The following STRN variants were observed in gnomAD, a reference collection of about 807,000 sequenced individuals.
The protein encoded by STRN is protein phosphatase 2 regulatory subunit B'''alpha.
STRN carries 53 observed loss-of-function variants against 96.3 expected under a neutral mutation model. The observed-to-expected ratio is 0.55, with a 90% confidence interval of 0.44 to 0.69. STRN has a LOEUF of 0.69. STRN is among the 30% of genes least tolerant of loss of function. STRN has a pLI of 0.00. For synonymous variants in STRN, 428 were observed against 355.9 expected (o/e 1.20, Z -2.28); for missense variants, 987 against 963.9 (o/e 1.02, Z -0.32).
chr2:36,946,013 T>A (rs530090271), intron 1 of STRN, among the ~76,000 whole-genome samples: 1 of 152,116 alleles, frequency 6.6e-6, no homozygotes, highest in African/African-American at 2.4e-5. Flanking sequence ...TACAAAGCTC[T>A]AGAGTTAATA....
chr2:36,884,704 T>C (rs1380039883), intron 8 of STRN, among the ~76,000 whole-genome samples: 2 of 152,166 alleles, frequency 1.3e-5, no homozygotes, highest in East Asian at 1.9e-4. Flanking sequence ...TAAGCAATTT[T>C]TACTAATGCC....
chr2:36,890,704 A>C (rs1669372889), intron 7 of STRN, among the ~76,000 whole-genome samples: 1 of 151,994 alleles, frequency 6.6e-6, no homozygotes, highest in African/African-American at 2.4e-5. Flanking sequence ...GGCTAGTCTC[A>C]AACTCCTGAC....
At chr2:36,927,484 G>A (rs1427236296) in intron 1 of STRN, among the ~76,000 whole-genome samples, 1 of 143,430 alleles carries the variant, frequency 7.0e-6, no homozygotes, top group Non-Finnish European at 1.5e-5. Context: ...ACTCTAACAT[G>A]GGTGACAGAG....
rs1375670191 is a variant in STRN, at chr2:36,957,742, GTCTTTTTTTTTTTT to G, written c.234+8474_234+8487del. ...GATTAGTCTCATAGTTCTTCTTTTTGTCTTTTTTTTTTTTTTTTTTTTTTTTTTTTGAGGTGGAG... is the reference window on the plus strand; with the variant it reads ...GATTAGTCTCATAGTTCTTCTTTTTGTTTTTTTTTTTTTTTTGAGGTGGAG... On this transcript the variant is annotated intron_variant, in intron 1 of 17. Coordinates refer to ENST00000263918, the MANE Select transcript of STRN (RefSeq NM_003162.4). 3.9e-5 allele frequency among the ~76,000 whole-genome samples: 4 copies of G among 103,132 alleles called. 1 individual carries two copies. Among genetic ancestry groups the G allele is most frequent in the African/African-American group, 1.1e-4 (3 of 28,204 alleles). The allele number at this position is 103,132 out of a possible 152,430, so 67.7% of individuals were successfully genotyped here.
intron 7 of STRN, among the ~76,000 whole-genome samples, chr2:36,887,040 A>AAGACAGAC (rs202208628): frequency 8.6e-6 from 1 of 116,932 alleles, no homozygotes; most frequent in East Asian, 2.4e-4. Context: ...TTTCTCCTGA[A>AAGACAGAC]AGACACACAC....
At chr2:36,885,173 C>A (rs1669186887) in intron 8 of STRN, among the ~76,000 whole-genome samples, 1 of 152,128 alleles carries the variant, frequency 6.6e-6, no homozygotes, top group East Asian at 1.9e-4. Context: ...CAGTTAAATT[C>A]CAACTACAGC....
At chr2:36,890,243 G>C (rs1446684034) in intron 7 of STRN, among the ~76,000 whole-genome samples, 1 of 151,942 alleles carries the variant, frequency 6.6e-6, no homozygotes, top group East Asian at 1.9e-4. Flanking sequence ...TTCCAGACTT[G>C]TTTTCTTGAA....
At chr2:36,884,146 G>GT (rs1669150666) in intron 8 of STRN, 71 bp from the exon 9 acceptor site, 1 of 1,234,950 alleles carries the variant, frequency 8.1e-7, no homozygotes, top group Non-Finnish European at 1.0e-6. Flanking sequence ...CATCAAAATG[G>GT]TATTATAAGC....
chr2:36,950,861 G>A (rs1045246886), intron 1 of STRN, among the ~76,000 whole-genome samples: 3 of 152,146 alleles, frequency 2.0e-5, no homozygotes, highest in African/African-American at 7.2e-5. Flanking sequence ...AATTTTTTGA[G>A]GGGAAGCAGG....
chr2:36,845,293 T>C lies in STRN; in HGVS notation c.*4163A>G, dbSNP rs956474445. The stretch of plus-strand genomic sequence containing the variant: ...AAAATTAATTCTAAGCCTTTCAGTC[T>C]GATTTGTGACATCTTAATACAATAT... On this transcript the variant is annotated 3_prime_UTR_variant, in exon 18 of 18. Transcript: ENST00000263918. 1 of 152,174 alleles carries C rather than the reference T, an allele frequency of 6.6e-6. No homozygotes were observed. The highest frequency in any genetic ancestry group is 2.4e-5 in the African/African-American group (1 of 41,456). 9.4% of individuals were successfully genotyped at this position (152,174 alleles called of 1,614,324 possible).
At chr2:36,896,174 CT>C (rs1054725166) in intron 6 of STRN, among the ~76,000 whole-genome samples, 1 of 152,066 alleles carries the variant, frequency 6.6e-6, no homozygotes, top group Admixed American at 6.6e-5. Context: ...CATGTGGAAC[CT>C]CAAATTCCAA....
chr2:36,901,999 A>G (rs1669695832), intron 5 of STRN, among the ~76,000 whole-genome samples: 1 of 152,210 alleles, frequency 6.6e-6, no homozygotes, highest in South Asian at 2.1e-4. Context: ...TTCCCAATAA[A>G]TAAGAATCTC....
intron 1 of STRN, among the ~76,000 whole-genome samples, chr2:36,958,357 C>T (rs938280213): frequency 3.9e-5 from 6 of 152,084 alleles, no homozygotes; most frequent in Non-Finnish European, 5.9e-5. Flanking sequence ...ATAAAGGAAA[C>T]GCAAAGACAC....
intron 1 of STRN, among the ~76,000 whole-genome samples, chr2:36,944,017 G>C (rs551497879): frequency 6.6e-6 from 1 of 152,192 alleles, no homozygotes; most frequent in Non-Finnish European, 1.5e-5. Flanking sequence ...CTACTTGGGA[G>C]GCTGGGGCAG....
At chr2:36,937,806 G>C (rs1670744973) in intron 1 of STRN, among the ~76,000 whole-genome samples, 1 of 152,004 alleles carries the variant, frequency 6.6e-6, no homozygotes, top group South Asian at 2.1e-4. Context: ...GTTTAGAAAA[G>C]AAACTTACAG....
chr2:36,909,209 T>C (rs1189144722), intron 3 of STRN, among the ~76,000 whole-genome samples: 2 of 146,648 alleles, frequency 1.4e-5, no homozygotes, highest in Non-Finnish European at 3.0e-5. Context: ...CAAAGTCAAA[T>C]AGCTCTTATA....
At chr2:36,881,449 T>G (rs1019907717) in intron 9 of STRN, among the ~76,000 whole-genome samples, 1 of 152,080 alleles carries the variant, frequency 6.6e-6, no homozygotes, top group Admixed American at 6.6e-5. Context: ...TCTGAATTAT[T>G]AAAATAAAAA....
At position 36,949,372 on chromosome 2, in the gene STRN, G is replaced by A. The variant is rs1045852953; in HGVS notation, c.234+16858C>T. 5.9e-5 allele frequency among the ~76,000 whole-genome samples: 9 copies of A among 152,072 alleles called. No individual in the cohort carries two copies. In the South Asian group the frequency reaches 8.3e-4, roughly 14 times the overall value. On this transcript the variant is annotated intron_variant, in intron 1 of 17. Transcript: ENST00000263918. ...TGTAGGAAATATAAACAGTCTAATCGTGCAGAGATTTAAAACCTATAACAG... is the reference window on the plus strand; with the variant it reads ...TGTAGGAAATATAAACAGTCTAATCATGCAGAGATTTAAAACCTATAACAG...
At chr2:36,870,049 A>G (rs1315979910) in intron 10 of STRN, among the ~76,000 whole-genome samples, 1 of 152,190 alleles carries the variant, frequency 6.6e-6, no homozygotes, top group Non-Finnish European at 1.5e-5. Flanking sequence ...AAATTATAGT[A>G]TACAAGTATA....
Sources: allele counts gnomAD v4.1 joint callset (sites outside exome capture counted in the v4.1 genomes callset), GRCh38; gene constraint gnomAD v4.1.1; transcripts MANE v1.5; gene names NCBI Gene and HGNC (gene_info 2026-07-23, HGNC 2026-07-21).